Variants in NR1I2 observed in about 807,000 individuals in gnomAD.
The protein encoded by NR1I2 is nuclear receptor subfamily 1 group I member 2.
Under a neutral mutation model 43.3 loss-of-function variants are expected in NR1I2, and 42 were observed. The ratio of observed to expected loss-of-function variants is 0.97; its 90% confidence interval spans 0.76 to 1.26. NR1I2 has a LOEUF of 1.26. Among genes scored for constraint, NR1I2 ranks in the 50% most tolerant of loss-of-function variants. The pLI is 0.00. For synonymous variants in NR1I2, 229 were observed against 215.0 expected (o/e 1.06, Z -0.57); for missense variants, 559 against 566.7 (o/e 0.99, Z 0.14).
intron 8 of NR1I2, among the ~76,000 whole-genome samples, chr3:119,816,738 T>C (rs936108970): frequency 2.0e-4 from 31 of 151,730 alleles, no homozygotes; most frequent in African/African-American, 7.3e-4. Flanking sequence ...GGAGGTCTCT[T>C]GAGTCCAGGA....
At chr3:119,814,928 T>G (rs1211616518) in intron 5 of NR1I2, 51 bp from the exon 6 acceptor site, 1 of 1,612,348 alleles carries the variant, frequency 6.2e-7, no homozygotes, top group African/African-American at 1.3e-5. Context: ...GGTGCCGGTC[T>G]GTGGGCTGCC....
In NR1I2 at chr3:119,803,903, A is replaced by T. The variant is rs181410489; in HGVS notation, c.-22-3326A>T. Among the ~76,000 whole-genome samples, 620 of 151,982 alleles carry T rather than the reference A, an allele frequency of 4.1e-3. 3 individuals are homozygous for T. The highest frequency in any genetic ancestry group is 0.014 in the African/African-American group (598 of 41,494). On this transcript the variant is annotated intron_variant, in intron 1 of 8. Coordinates refer to ENST00000393716, the MANE Select transcript of NR1I2 (RefSeq NM_003889.4). ...CTCCCAAGTAGCTGGGATTACAGGC[A>T]CGCGCCACCACACTCAGCTAATTTT... is the stretch of plus-strand genomic sequence containing the variant.
chr3:119,797,937 A>G (rs1428554261), intron 1 of NR1I2, among the ~76,000 whole-genome samples: 1 of 152,206 alleles, frequency 6.6e-6, no homozygotes, highest in South Asian at 2.1e-4. Context: ...TACAATTTCA[A>G]CTGAAAAGTC....
Position 119,817,700 on chromosome 3 carries a change from C to T in NR1I2, c.*488C>T, listed in dbSNP as rs1012757248. ...CTCGTTCCCCTCCTCTTCCGAGCTG[C>T]TTTGTGGGCTCCAGGCCTGTACTCA... On this transcript the variant is annotated 3_prime_UTR_variant, in exon 9 of 9. Coordinates refer to ENST00000393716, the MANE Select transcript of NR1I2 (RefSeq NM_003889.4). 3.7e-5 allele frequency: 41 copies of T among 1,110,556 alleles called. No homozygotes were observed. Among genetic ancestry groups the T allele is most frequent in the Non-Finnish European group, 4.2e-5 (38 of 901,908 alleles). 68.8% of individuals were successfully genotyped at this position (1,110,556 alleles called of 1,614,324 possible). A position where few individuals can be genotyped will look rare whatever the true frequency, so the allele number is the denominator to read the frequency against.
At chr3:119,790,658 T>C (rs949721808) in intron 1 of NR1I2, among the ~76,000 whole-genome samples, 2 of 152,338 alleles carry the variant, frequency 1.3e-5, no homozygotes, top group East Asian at 3.9e-4. Context: ...TGATTAACGA[T>C]GTTGAGTACT....
rs931185470 is a variant in NR1I2 at position 119,782,257 on chromosome 3, G to A, written c.-66G>A. On this transcript the variant is annotated 5_prime_UTR_variant, in exon 1 of 9. Transcript: ENST00000393716. ...CCTTTGCACCGGATTGTTCAAAGTG[G>A]ACCCCAGGGGAGAAGTCGGAGCAAA... is the stretch of plus-strand genomic sequence containing the variant. 1 of 163,792 alleles carries A rather than the reference G, an allele frequency of 6.1e-6. No individual in the cohort carries two copies. Among genetic ancestry groups the A allele is most frequent in the African/African-American group, 2.4e-5 (1 of 41,834 alleles). The allele number at this position is 163,792 out of a possible 1,614,324, so 10.1% of individuals were successfully genotyped here.
intron 1 of NR1I2, among the ~76,000 whole-genome samples, chr3:119,793,665 A>T (rs2054952658): frequency 6.6e-6 from 1 of 152,202 alleles, no homozygotes; most frequent in African/African-American, 2.4e-5. Context: ...ATGTGATTAG[A>T]CTAGGCCTGC....
chr3:119,814,524 G>T (rs79190573), intron 5 of NR1I2, among the ~76,000 whole-genome samples: 174 of 152,336 alleles, frequency 1.1e-3, no homozygotes, highest in African/African-American at 4.2e-3. Flanking sequence ...GGAAAGGGGA[G>T]ACTGCACTCT....
intron 1 of NR1I2, among the ~76,000 whole-genome samples, chr3:119,795,745 C>T (rs778566605): frequency 2.0e-5 from 3 of 152,242 alleles, no homozygotes; most frequent in Non-Finnish European, 2.9e-5. Flanking sequence ...TATCCCACCA[C>T]GCCCTGACAA....
chr3:119,788,931 C>T (rs1308218376), intron 1 of NR1I2, among the ~76,000 whole-genome samples: 1 of 152,212 alleles, frequency 6.6e-6, no homozygotes, highest in Non-Finnish European at 1.5e-5. Flanking sequence ...GTGTGGACTG[C>T]AGACCCATAG....
rs147125735 is a variant in NR1I2, at chr3:119,811,964, C to T, written c.519+238C>T. Among the ~76,000 whole-genome samples, 233 of 152,278 alleles carry T rather than the reference C, an allele frequency of 1.5e-3. 2 individuals are homozygous for T. Among genetic ancestry groups the T allele is most frequent in the African/African-American group, 5.3e-3 (219 of 41,552 alleles). ...CATCAGCATGCAGATTTTCAGGTCA[C>T]CTCAGATCTCCTGAATCTGAAGCTC... On this transcript the variant is annotated intron_variant, in intron 4 of 8. Transcript: ENST00000393716.
chr3:119,817,527 T>A lies in NR1I2; in HGVS notation c.*315T>A. 5.7e-6 allele frequency: 7 copies of A among 1,233,440 alleles called. No homozygotes were observed. Among genetic ancestry groups the A allele is most frequent in the Non-Finnish European group, 7.2e-6 (7 of 971,862 alleles). The allele number at this position is 1,233,440 out of a possible 1,614,324, so 76.4% of individuals were successfully genotyped here. A position where few individuals can be genotyped will look rare whatever the true frequency, so the allele number is the denominator to read the frequency against. ...AAAGGCCCTGTGGTCTGGGGAGAAA[T>A]CCCTCAGATCCCACTAAAGTGTCAA... On this transcript the variant is annotated 3_prime_UTR_variant, in exon 9 of 9. Coordinates refer to ENST00000393716, the MANE Select transcript of NR1I2 (RefSeq NM_003889.4).
At chr3:119,813,081 C>A in intron 5 of NR1I2, 121 bp downstream of exon 5, 1 of 1,134,998 alleles carries the variant, frequency 8.8e-7, no homozygotes, top group Non-Finnish European at 1.3e-6. Context: ...CCTCCTTTTC[C>A]TGTGCCCTTT....
At chr3:119,802,017 C>T (rs181954540) in intron 1 of NR1I2, among the ~76,000 whole-genome samples, 217 of 152,270 alleles carry the variant, frequency 1.4e-3, no homozygotes, top group Non-Finnish European at 2.6e-3. Flanking sequence ...CTTCTTATAG[C>T]GTAGACCCAG....
chr3:119,804,306 T>C (rs1417877394), intron 1 of NR1I2, among the ~76,000 whole-genome samples: 3 of 150,208 alleles, frequency 2.0e-5, no homozygotes, highest in Non-Finnish European at 4.4e-5. Context: ...ACCTGGGAGG[T>C]GGAGCTTGCA....
At chr3:119,803,366 A>T (rs2461820) in intron 1 of NR1I2, among the ~76,000 whole-genome samples, 2 of 150,206 alleles carry the variant, frequency 1.3e-5, no homozygotes, top group African/African-American at 2.5e-5. Flanking sequence ...AGAGAGAGAG[A>T]GAGAGAGATA....
chr3:119,799,979 CAA>C (rs201640427), intron 1 of NR1I2, among the ~76,000 whole-genome samples: 275 of 135,640 alleles, frequency 2.0e-3, no homozygotes, highest in African/African-American at 6.4e-3. Flanking sequence ...AACAAACAAA[CAA>C]ACAAACACAC....
chr3:119,810,232 G>T, intron 3 of NR1I2, 38 bp downstream of exon 3: 4 of 1,560,458 alleles, frequency 2.6e-6, no homozygotes, highest in Non-Finnish European at 3.5e-6. Context: ...GCGCCGGGGT[G>T]CACGGCTCTG....
intron 1 of NR1I2, among the ~76,000 whole-genome samples, chr3:119,792,714 GA>G (rs149113462): frequency 6.0e-5 from 9 of 149,756 alleles, no homozygotes; most frequent in South Asian, 4.2e-4. Context: ...TCTCAAAAAA[GA>G]AAAAAAAAAT....
Sources: allele counts gnomAD v4.1 joint callset (sites outside exome capture counted in the v4.1 genomes callset), GRCh38; gene constraint gnomAD v4.1.1; transcripts MANE v1.5; gene names NCBI Gene and HGNC (gene_info 2026-07-23, HGNC 2026-07-21).